The following RTN4 variants were observed in gnomAD, a reference collection of about 807,000 sequenced individuals.
RTN4 encodes the protein reticulon 4, also known as reticulon-4.
RTN4 carries 32 observed loss-of-function variants against 90.4 expected under a neutral mutation model. The observed-to-expected ratio is 0.35, with a 90% CI of 0.27 to 0.48. The LOEUF is 0.48. RTN4 is among the 20% of genes least tolerant of loss of function. The probability of loss-of-function intolerance (pLI) is 0.99; values close to 1 mark genes in which losing one functional copy is unlikely to be tolerated. For missense variants in RTN4, 1,706 were observed against 1,430.2 expected, an observed-to-expected ratio of 1.19 and a Z score of -3.11; for synonymous variants, 629 against 552.5, an observed-to-expected ratio of 1.14 and a Z score of -1.94.
chr2:55,066,951 C>T (rs1386530536), intron 2 of RTN4, among the ~76,000 whole-genome samples: 5 of 152,224 alleles, frequency 3.3e-5, no homozygotes, highest in African/African-American at 9.6e-5. Flanking sequence ...ACATAAAGAA[C>T]ATAACCCAAA....
intron 1 of RTN4, among the ~76,000 whole-genome samples, chr2:55,104,452 A>G (rs914330409): frequency 6.6e-6 from 1 of 151,990 alleles, no homozygotes; most frequent in Non-Finnish European, 1.5e-5. Flanking sequence ...TCCTGGGTTC[A>G]TGATTCTCGT....
chr2:55,059,128 T>A (rs1441726570), intron 2 of RTN4, among the ~76,000 whole-genome samples: 1 of 152,136 alleles, frequency 6.6e-6, no homozygotes, highest in Non-Finnish European at 1.5e-5. Context: ...CAATTCATTT[T>A]TTTTTCAACC....
upstream of RTN4, among the ~76,000 whole-genome samples, chr2:55,051,125 G>C (rs1470139365): frequency 2.6e-5 from 4 of 152,216 alleles, no homozygotes; most frequent in African/African-American, 9.6e-5. Context: ...GGCTCACTCA[G>C]TCTAAACCGC....
intron 1 of RTN4, among the ~76,000 whole-genome samples, chr2:55,038,266 A>G (rs1386644906): frequency 1.3e-5 from 2 of 152,194 alleles, no homozygotes; most frequent in Non-Finnish European, 2.9e-5. Flanking sequence ...ACCATGAAAG[A>G]AAAAGTAATT....
intron 1 of RTN4, among the ~76,000 whole-genome samples, chr2:55,087,062 C>T (rs1484854187): frequency 6.6e-6 from 1 of 152,144 alleles, no homozygotes; most frequent in African/African-American, 2.4e-5. Context: ...CTTGTTTGTT[C>T]AGTTACGTTA....
the RTN4 span, among the ~76,000 whole-genome samples, chr2:55,123,016 T>A: frequency 7.2e-5 from 11 of 152,250 alleles, no homozygotes; most frequent in Non-Finnish European, 1.5e-4. Flanking sequence ...GTTTTAAAAT[T>A]ATTACAGCAC....
In RTN4 at chr2:55,036,642, G is replaced by A. The variant is rs554693068; in HGVS notation, c.557-8422C>T. 7.4e-4 allele frequency among the ~76,000 whole-genome samples: 106 copies of A among 143,012 alleles called. No homozygotes were observed. The Middle Eastern group carries it at 0.018, about 24-fold the overall frequency. 93.8% of individuals were successfully genotyped at this position (143,012 alleles called of 152,430 possible). On this transcript the variant is annotated intron_variant, in intron 1 of 8. Coordinates refer to ENST00000337526, the MANE Select transcript of RTN4 (RefSeq NM_020532.5). ...AAAAAAAATTAAAAAAATTTAAAAA[G>A]TTTTTTTAAATCATATAATGAAATT...
chr2:55,036,627 A>C (rs4671235), intron 1 of RTN4, among the ~76,000 whole-genome samples: 1 of 98,406 alleles, frequency 1.0e-5, no homozygotes, highest in Non-Finnish European at 2.4e-5. Flanking sequence ...AAAAAAAATT[A>C]AAAAAATTTA....
At chr2:55,124,605 A>C in the RTN4 span, among the ~76,000 whole-genome samples, 1 of 152,258 alleles carries the variant, frequency 6.6e-6, no homozygotes, top group East Asian at 1.9e-4. Context: ...GCTCATGGAT[A>C]GGAAGAATCA....
chr2:55,025,676 T>A lies in RTN4; in HGVS notation c.2423A>T (p.Asp808Val). The stretch of plus-strand genomic sequence containing the variant: ...AGGTAACAGGGTATCTTTTGTGTTA[T>A]CTAAACTGAGCTTAAAAGATTCCAA... ...PYLESFKLSLDNTKDTLLPDE... is the reference protein window; with the variant it reads ...PYLESFKLSLVNTKDTLLPDE... The change falls in exon 3 of 9, where the codon GAT (aspartate) becomes GTT (valine). Residue 808 changes from aspartate to valine, a missense_variant. Asp to Val is a radical substitution (Grantham distance 152). Coordinates refer to ENST00000337526, the MANE Select transcript of RTN4 (RefSeq NM_020532.5). 1.9e-6 allele frequency: 3 copies of A among 1,613,856 alleles called. No homozygotes were observed. Among genetic ancestry groups the A allele is most frequent in the Non-Finnish European group, 2.5e-6 (3 of 1,179,830 alleles).
chr2:55,011,182 G>A (rs1052694243), intron 3 of RTN4, among the ~76,000 whole-genome samples: 1 of 151,998 alleles, frequency 6.6e-6, no homozygotes, highest in Admixed American at 6.6e-5. Context: ...ACCATGCCCA[G>A]TTAATTTTTT....
In RTN4 at chr2:54,997,321, C is replaced by T. The variant is rs112057284; in HGVS notation, c.3014-9623G>A. Among the ~76,000 whole-genome samples the T allele has an allele frequency of 6.8e-3, 1,034 of 152,086 alleles. 11 individuals carry two copies. Among genetic ancestry groups the T allele is most frequent in the African/African-American group, 0.023 (969 of 41,496 alleles). On this transcript the variant is annotated intron_variant, in intron 3 of 8. Coordinates refer to ENST00000337526, the MANE Select transcript of RTN4 (RefSeq NM_020532.5). ...CCACAATGAGATACCACTTCATACC[C>T]CCTAGGATGGCTATAATCAAAAAGA...
intron 2 of RTN4, among the ~76,000 whole-genome samples, chr2:55,067,685 G>A (rs531337543): frequency 1.3e-5 from 2 of 152,258 alleles, no homozygotes; most frequent in South Asian, 4.1e-4. Context: ...AAAGTGCTGG[G>A]ATTACAGGCG....
chr2:55,084,486 TTC>T (rs947504255), intron 1 of RTN4, among the ~76,000 whole-genome samples: 1 of 151,814 alleles, frequency 6.6e-6, no homozygotes, highest in African/African-American at 2.4e-5. Context: ...AAGTAAAGAG[TTC>T]TCTGAGTTCT....
the RTN4 span, among the ~76,000 whole-genome samples, chr2:55,131,653 G>A: frequency 2.6e-5 from 4 of 152,308 alleles, no homozygotes; most frequent in East Asian, 7.7e-4. Context: ...GGAAGCCGAG[G>A]TGGGTGTATC....
chr2:55,058,654 T>A (rs754567439), intron 2 of RTN4, among the ~76,000 whole-genome samples: 1 of 152,124 alleles, frequency 6.6e-6, no homozygotes, highest in Non-Finnish European at 1.5e-5. Flanking sequence ...GGTCTGCAGC[T>A]GCTGGAAGCA....
intron 3 of RTN4, 123 bp downstream of exon 3, chr2:55,024,963 A>T: frequency 8.3e-7 from 1 of 1,206,696 alleles, no homozygotes; most frequent in South Asian, 1.6e-5. Context: ...AAAGTGGAGA[A>T]GACTTCTTAC....
intron 3 of RTN4, among the ~76,000 whole-genome samples, chr2:55,005,255 C>T (rs1246188904): frequency 1.3e-5 from 2 of 152,114 alleles, no homozygotes; most frequent in African/African-American, 2.4e-5. Context: ...CTGTGACACA[C>T]ATAATTTAGT....
intron 6 of RTN4, 92 bp from the exon 7 acceptor site, chr2:54,973,959 A>G (rs1401028385): frequency 9.1e-7 from 1 of 1,097,054 alleles, no homozygotes. Context: ...AACTCAAGAT[A>G]ACCAAGCAGT....
Sources: allele counts gnomAD v4.1 joint callset (sites outside exome capture counted in the v4.1 genomes callset), GRCh38; gene constraint gnomAD v4.1.1; transcripts MANE v1.5; gene names NCBI Gene and HGNC (gene_info 2026-07-23, HGNC 2026-07-21).